Variants in TPO observed in about 807,000 individuals in gnomAD.
TPO encodes the protein thyroid peroxidase.
A neutral mutation model predicts 96.9 loss-of-function variants in TPO; 78 were observed. The observed-to-expected ratio is 0.81, with a 90% confidence interval of 0.67 to 0.97. The LOEUF is 0.97. Ranked by LOEUF, TPO falls within the 50% of genes least tolerant of loss-of-function variation. The pLI is 0.00. For synonymous variants in TPO, 547 were observed against 538.0 expected (o/e 1.02, Z -0.23); for missense variants, 1,252 against 1,274.8 (o/e 0.98, Z 0.27).
chr2:1,489,046 GC>G (rs1671441218), intron 10 of TPO, among the ~76,000 whole-genome samples: 1 of 151,828 alleles, frequency 6.6e-6, no homozygotes, highest in Admixed American at 6.6e-5. Flanking sequence ...CACATACCCA[GC>G]ACACACCCGC....
chr2:1,523,181 C>T (rs1244509318), intron 15 of TPO, among the ~76,000 whole-genome samples: 1 of 139,342 alleles, frequency 7.2e-6, no homozygotes. Flanking sequence ...GCAACCTCCT[C>T]AAATCCCCCC....
intron 14 of TPO, among the ~76,000 whole-genome samples, chr2:1,506,233 A>C (rs1273086583): frequency 1.3e-5 from 2 of 151,892 alleles, no homozygotes; most frequent in East Asian, 3.9e-4. Context: ...TTATGGCTGC[A>C]TAGTATTCTA....
intron 15 of TPO, among the ~76,000 whole-genome samples, chr2:1,532,026 A>G (rs1678382232): frequency 1.4e-5 from 1 of 70,908 alleles, no homozygotes; most frequent in Non-Finnish European, 3.0e-5. Context: ...ACGTCCTCAA[A>G]TCCCCTCACT....
At chr2:1,514,260 A>G (rs1674457190) in intron 14 of TPO, among the ~76,000 whole-genome samples, 1 of 152,170 alleles carries the variant, frequency 6.6e-6, no homozygotes, top group Admixed American at 6.5e-5. Context: ...GGGCCCACCC[A>G]TGTTGGGGAG....
intron 7 of TPO, among the ~76,000 whole-genome samples, chr2:1,469,020 G>T (rs1162928632): frequency 6.6e-6 from 1 of 152,110 alleles, no homozygotes; most frequent in East Asian, 1.9e-4. Flanking sequence ...AGTACATTTT[G>T]AATTTCTCTG....
At chr2:1,537,238 GTTTCGAACCACCTCA>G in intron 15 of TPO, among the ~76,000 whole-genome samples, 7 of 37,024 alleles carry the variant, frequency 1.9e-4, no homozygotes, top group African/African-American at 9.8e-4. Flanking sequence ...TCCCCCAACT[GTTTCGAACCACCTCA>G]AATCCCCCCA....
At chr2:1,535,249 T>A (rs72629189) in intron 15 of TPO, among the ~76,000 whole-genome samples, 1 of 113,550 alleles carries the variant, frequency 8.8e-6, no homozygotes, top group South Asian at 3.2e-4. Flanking sequence ...TCCACCCCAC[T>A]CTGTGCAACC....
chr2:1,405,020 C>T (rs1012554410), intron 1 of TPO, among the ~76,000 whole-genome samples: 1 of 152,046 alleles, frequency 6.6e-6, no homozygotes, highest in African/African-American at 2.4e-5. Context: ...CGCAGCCATC[C>T]ATTCCTTTAT....
chr2:1,413,669 C>A, intron 1 of TPO, 124 bp downstream of exon 1: 1 of 985,432 alleles, frequency 1.0e-6, no homozygotes, highest in Non-Finnish European at 1.2e-6. Flanking sequence ...CGTCTCTCAG[C>A]AAAGCTGACT....
At chr2:1,516,628 G>T (rs973065120) in intron 14 of TPO, among the ~76,000 whole-genome samples, 9 of 152,214 alleles carry the variant, frequency 5.9e-5, no homozygotes, top group African/African-American at 1.9e-4. Context: ...CGAACCCACA[G>T]TGAGGTTCCA....
chr2:1,414,355 C>A, intron 1 of TPO, 53 bp from the exon 2 acceptor site: 1 of 1,541,946 alleles, frequency 6.5e-7, no homozygotes, highest in East Asian at 2.3e-5. Context: ...CAGCGGTTCC[C>A]ATGGCCTTGT....
intron 8 of TPO, among the ~76,000 whole-genome samples, chr2:1,478,605 C>T (rs533909099): frequency 3.3e-5 from 5 of 152,354 alleles, no homozygotes; most frequent in Middle Eastern, 3.4e-3. Context: ...CCCTTAGTTC[C>T]TGGGTGGCGA....
intron 15 of TPO, among the ~76,000 whole-genome samples, chr2:1,525,600 C>T (rs1676259880): frequency 9.5e-6 from 1 of 105,798 alleles, no homozygotes; most frequent in African/African-American, 3.8e-5. Flanking sequence ...ACCAAAACCA[C>T]AAATCCCCCC....
chr2:1,441,282 GC>G (rs1666169843), intron 5 of TPO, among the ~76,000 whole-genome samples: 1 of 152,196 alleles, frequency 6.6e-6, no homozygotes, highest in Non-Finnish European at 1.5e-5. Flanking sequence ...GTACGGTGTG[GC>G]CAATGCTGCA....
intron 1 of TPO, among the ~76,000 whole-genome samples, chr2:1,406,345 A>T (rs928428340): frequency 3.3e-5 from 5 of 152,244 alleles, no homozygotes; most frequent in South Asian, 2.1e-4. Context: ...ACCATTTTTT[A>T]AAATTTATTT....
chr2:1,517,857 G>C (rs1674862247), intron 15 of TPO, among the ~76,000 whole-genome samples: 1 of 152,220 alleles, frequency 6.6e-6, no homozygotes, highest in South Asian at 2.1e-4. Context: ...TGCAGGCCCA[G>C]GCTGGGCCCC....
chr2:1,463,931 G>A (rs1308276778), intron 7 of TPO, among the ~76,000 whole-genome samples: 1 of 152,202 alleles, frequency 6.6e-6, no homozygotes, highest in Non-Finnish European at 1.5e-5. Context: ...ATTGAGAACA[G>A]GTGGTGTTTG....
At chr2:1,492,478 T>C (rs932632788) in intron 10 of TPO, among the ~76,000 whole-genome samples, 6 of 152,156 alleles carry the variant, frequency 3.9e-5, no homozygotes, top group African/African-American at 7.2e-5. Flanking sequence ...ATTTTGAATC[T>C]CACTCATGCC....
At chr2:1,493,722 G>C in intron 10 of TPO, 80 bp from the exon 11 acceptor site, 8 of 1,540,646 alleles carry the variant, frequency 5.2e-6, no homozygotes, top group Non-Finnish European at 9.0e-7. Flanking sequence ...TTCCAGTCTC[G>C]GGGACCATGG....
Sources: allele counts gnomAD v4.1 joint callset (sites outside exome capture counted in the v4.1 genomes callset), GRCh38; gene constraint gnomAD v4.1.1; transcripts MANE v1.5; gene names NCBI Gene and HGNC (gene_info 2026-07-23, HGNC 2026-07-21).